The following MYMX variants were observed in gnomAD, a reference collection of about 807,000 sequenced individuals.
MYMX encodes the protein protein myomixer.
At chr6:44,194,436 C>T in the MYMX span, among the ~76,000 whole-genome samples, 1 of 152,174 alleles carries the variant, frequency 6.6e-6, no homozygotes, top group South Asian at 2.1e-4. Flanking sequence ...CCTTCTGGGC[C>T]ATGATGCAGG....
upstream of MYMX, among the ~76,000 whole-genome samples, chr6:44,216,443 A>T (rs2128331637): frequency 6.6e-6 from 1 of 152,086 alleles, no homozygotes; most frequent in Middle Eastern, 3.4e-3. Context: ...TGAGCTCAGG[A>T]GTTTGAGACC....
At chr6:44,195,113 G>A in the MYMX span, among the ~76,000 whole-genome samples, 4 of 151,940 alleles carry the variant, frequency 2.6e-5, no homozygotes, top group Admixed American at 2.6e-4. Flanking sequence ...CCGCCTCTTG[G>A]GTTCAAGCAA....
the MYMX span, among the ~76,000 whole-genome samples, chr6:44,202,474 C>T: frequency 6.7e-6 from 1 of 150,280 alleles, no homozygotes; most frequent in East Asian, 2.0e-4. Flanking sequence ...GAGATTTGGT[C>T]AGTTTCCTCA....
chr6:44,216,406 T>C (rs561866220), upstream of MYMX, among the ~76,000 whole-genome samples: 5 of 151,994 alleles, frequency 3.3e-5, no homozygotes, highest in South Asian at 1.0e-3. Flanking sequence ...TCTCAGCACT[T>C]TGAGAGGTCG....
upstream of MYMX, among the ~76,000 whole-genome samples, chr6:44,211,937 G>A (rs1163186254): frequency 6.6e-6 from 1 of 152,018 alleles, no homozygotes; most frequent in African/African-American, 2.4e-5. Flanking sequence ...GAGCCATTGT[G>A]CCTAATCTAG....
upstream of MYMX, among the ~76,000 whole-genome samples, chr6:44,216,180 C>G (rs1441571171): frequency 6.6e-6 from 1 of 152,218 alleles, no homozygotes; most frequent in Admixed American, 6.5e-5. Flanking sequence ...ACTGAGCATG[C>G]CTGGTGCTCA....
chr6:44,216,424 T>C (rs974766227), upstream of MYMX, among the ~76,000 whole-genome samples: 12 of 151,112 alleles, frequency 7.9e-5, no homozygotes, highest in South Asian at 2.5e-3. Flanking sequence ...TCGAGGCGGG[T>C]GGATCACTTG....
At chr6:44,210,341 T>A in the MYMX span, among the ~76,000 whole-genome samples, 2 of 152,262 alleles carry the variant, frequency 1.3e-5, no homozygotes, top group Admixed American at 1.3e-4. Context: ...CAGGCTGGAG[T>A]GCTGTGGCTT....
chr6:44,205,047 C>T, the MYMX span, among the ~76,000 whole-genome samples: 23 of 151,902 alleles, frequency 1.5e-4, no homozygotes, highest in African/African-American at 4.1e-4. Flanking sequence ...ATTTGGCCAA[C>T]GGGTGAGCAT....
At chr6:44,195,804 A>C in the MYMX span, among the ~76,000 whole-genome samples, 2 of 152,206 alleles carry the variant, frequency 1.3e-5, no homozygotes, top group Non-Finnish European at 2.9e-5. Context: ...TACATGAGAT[A>C]GTACTTTCAT....
the MYMX span, among the ~76,000 whole-genome samples, chr6:44,201,084 C>T: frequency 6.6e-6 from 1 of 152,136 alleles, no homozygotes; most frequent in African/African-American, 2.4e-5. Context: ...ACTGCCCGGT[C>T]GCCTGTGCAT....
chr6:44,202,708 A>G, the MYMX span, among the ~76,000 whole-genome samples: 126,907 of 151,986 alleles, frequency 0.83, 53,405 homozygotes, highest in Middle Eastern at 0.89. Context: ...AGCTAATGGA[A>G]GTGAGGATGG....
chr6:44,207,393 C>T, the MYMX span, among the ~76,000 whole-genome samples: 2 of 152,184 alleles, frequency 1.3e-5, no homozygotes, highest in African/African-American at 4.8e-5. Flanking sequence ...CCCGCCTTGG[C>T]CTCCCAAAAT....
chr6:44,211,788 TTGTGTG>T, the MYMX span, among the ~76,000 whole-genome samples: 52 of 126,428 alleles, frequency 4.1e-4, no homozygotes, highest in African/African-American at 9.1e-4. Context: ...CAGCTAGGTT[TTGTGTG>T]TGTGTGTGTG....
chr6:44,198,745 A>C, the MYMX span, among the ~76,000 whole-genome samples: 1 of 151,116 alleles, frequency 6.6e-6, no homozygotes, highest in Non-Finnish European at 1.5e-5. Context: ...TCTGTCGCCC[A>C]GGCTGGATTA....
At chr6:44,193,053 T>C in the MYMX span, among the ~76,000 whole-genome samples, 1 of 152,126 alleles carries the variant, frequency 6.6e-6, no homozygotes, top group Non-Finnish European at 1.5e-5. Flanking sequence ...ATGCACAAAC[T>C]TTTTTACCTT....
chr6:44,199,642 T>A, the MYMX span, among the ~76,000 whole-genome samples: 1 of 152,094 alleles, frequency 6.6e-6, no homozygotes, highest in African/African-American at 2.4e-5. Context: ...ATTGGTGGAT[T>A]CTTGGTCAGA....
chr6:44,197,010 G>A, the MYMX span, among the ~76,000 whole-genome samples: 24 of 150,936 alleles, frequency 1.6e-4, no homozygotes, highest in Admixed American at 1.6e-3. Flanking sequence ...ACCCCAGCAT[G>A]TTGGGAGGCT....
At chr6:44,197,902 G>A in the MYMX span, among the ~76,000 whole-genome samples, 1 of 151,894 alleles carries the variant, frequency 6.6e-6, no homozygotes, top group Admixed American at 6.6e-5. Context: ...GATTATAAAA[G>A]TATGTTACTT....
Sources: gnomAD v4.1 joint callset for allele counts (sites outside exome capture counted in the v4.1 genomes callset) on GRCh38, gnomAD v4.1.1 for gene constraint, MANE v1.5 for transcripts, NCBI Gene and HGNC (gene_info 2026-07-23, HGNC 2026-07-21) for gene names.